Variants in PHKA2 observed in about 807,000 individuals in gnomAD.
PHKA2 encodes phosphorylase kinase regulatory subunit alpha 2.
In PHKA2, 31 loss-of-function variants were observed where a neutral mutation model predicts 102.0. The ratio of observed to expected loss-of-function variants is 0.30; its 90% CI spans 0.23 to 0.41. PHKA2 has a LOEUF of 0.41. Among genes scored for constraint, PHKA2 ranks in the 10% least tolerant of loss-of-function variants. The pLI, the probability that PHKA2 is intolerant of heterozygous loss-of-function variation, is 1.00. For missense variants in PHKA2, 858 were observed against 1,023.1 expected, an observed-to-expected ratio of 0.84 and a Z score of 2.20; for synonymous variants, 455 against 416.2, an observed-to-expected ratio of 1.09 and a Z score of -1.13.
chrX:18,907,138 G>A, intron 22 of PHKA2, 41 bp from the exon 23 acceptor site: 1 of 985,937 alleles, frequency 1.0e-6, no homozygotes, highest in Non-Finnish European at 1.4e-6. Context: ...GAGCGCGAGA[G>A]AGATACTGGC....
chrX:18,948,897 A>C, intron 4 of PHKA2, 71 bp from the exon 5 acceptor site: 10 of 700,672 alleles, frequency 1.4e-5, no homozygotes, highest in Non-Finnish European at 1.8e-5. Flanking sequence ...TACAAATATC[A>C]CACTAGGAAA....
intron 1 of PHKA2, among the ~76,000 whole-genome samples, chrX:18,978,820 T>C (rs1037255771): frequency 3.6e-5 from 4 of 111,910 alleles, no homozygotes; most frequent in Non-Finnish European, 7.5e-5. Context: ...TCATCCTCCT[T>C]CTTAATGGGA....
At chrX:18,957,543 C>A (rs1362113907) in intron 1 of PHKA2, among the ~76,000 whole-genome samples, 1 of 110,825 alleles carries the variant, frequency 9.0e-6, no homozygotes, top group Non-Finnish European at 1.9e-5. Flanking sequence ...TTGAAAAACA[C>A]TATTTAGCTA....
At position 18,920,254 on chromosome X, in the gene PHKA2, A is replaced by T. The variant is rs1418397517; in HGVS notation, c.1794-53T>A. 1.8e-5 allele frequency: 11 copies of T among 600,908 alleles called. No individual in the cohort carries two copies. The East Asian group carries it at 3.6e-4, about 19-fold the overall frequency. 49.5% of individuals were successfully genotyped at this position (600,908 alleles called of 1,213,427 possible). A position where few individuals can be genotyped will look rare whatever the true frequency, so the allele number is the denominator to read the frequency against. Reference sequence around the variant, plus strand: ...ACAGGTAGTGTGTGGATAACCTTCCACTATGAATCACTGAGAGACTTTTGC... The same window carrying T: ...ACAGGTAGTGTGTGGATAACCTTCCTCTATGAATCACTGAGAGACTTTTGC... On this transcript the variant is annotated intron_variant, in intron 17 of 32. Transcript: ENST00000379942.
chrX:18,916,323 G>A (rs2048019686), intron 19 of PHKA2, among the ~76,000 whole-genome samples: 2 of 111,734 alleles, frequency 1.8e-5, no homozygotes, highest in Non-Finnish European at 3.8e-5. Flanking sequence ...GCTGAGGCAG[G>A]AGAATCGCTT....
At position 18,970,388 on chromosome X, in the gene PHKA2, A is replaced by C. The variant is rs113596423; in HGVS notation, c.78+13467T>G. The stretch of plus-strand genomic sequence containing the variant: ...ATCTACTCTCTTAGCAATTTTCAAG[A>C]ATGCAATATATTGTTATTAACTACA... On this transcript the variant is annotated intron_variant, in intron 1 of 32. Transcript: ENST00000379942. Among the ~76,000 whole-genome samples, 667 of 112,439 alleles carry C rather than the reference A, an allele frequency of 5.9e-3. 6 individuals carry two copies. Among genetic ancestry groups the C allele is most frequent in the African/African-American group, 0.02 (629 of 30,986 alleles).
At chrX:18,931,566 G>A in intron 12 of PHKA2, 75 bp downstream of exon 12, 2 of 714,588 alleles carry the variant, frequency 2.8e-6, no homozygotes, top group Non-Finnish European at 2.3e-6. Context: ...CTGGCAGAGA[G>A]TCCCTATGCC....
At position 18,924,152 on chromosome X, in the gene PHKA2, T is replaced by A. The variant is rs758053765; in HGVS notation, c.1715-18A>T. ...ATCATTTGCTAAGGAAAAAAAGTGA[T>A]GAATTAGTTTAGTCTGGGCAGACTT... is the stretch of plus-strand genomic sequence containing the variant. On this transcript the variant is annotated intron_variant, in intron 16 of 32. Transcript: ENST00000379942. 1.7e-6 allele frequency: 2 copies of A among 1,146,250 alleles called. No homozygotes were observed. Among genetic ancestry groups the A allele is most frequent in the East Asian group, 6.0e-5 (2 of 33,600 alleles). 94.5% of individuals were successfully genotyped at this position (1,146,250 alleles called of 1,213,427 possible).
intron 19 of PHKA2, among the ~76,000 whole-genome samples, chrX:18,917,982 T>C (rs2147890706): frequency 9.1e-6 from 1 of 109,604 alleles, no homozygotes; most frequent in Admixed American, 9.8e-5. Flanking sequence ...GAAGAATACA[T>C]TGAGAAAGGG....
At chrX:18,941,409 A>G in intron 8 of PHKA2, 120 bp downstream of exon 8, 1 of 659,381 alleles carries the variant, frequency 1.5e-6, no homozygotes, top group South Asian at 2.2e-5. Context: ...TCAGCTTTGA[A>G]CGCTGTATGC....
chrX:18,901,316 T>C (rs1257549901), intron 27 of PHKA2, among the ~76,000 whole-genome samples, 169 bp downstream of exon 27: 1 of 110,946 alleles, frequency 9.0e-6, no homozygotes, highest in Admixed American at 9.6e-5. Context: ...TGACCGGCTC[T>C]GGAATATCTA....
chrX:18,899,072 C>T, intron 29 of PHKA2, 101 bp downstream of exon 29: 1 of 724,328 alleles, frequency 1.4e-6, no homozygotes. Context: ...GAAAACACTT[C>T]AGCCCTGCTC....
At chrX:18,905,136 G>A (rs904070348) in intron 26 of PHKA2, among the ~76,000 whole-genome samples, 2 of 111,700 alleles carry the variant, frequency 1.8e-5, no homozygotes, top group African/African-American at 6.5e-5. Context: ...GGTGTGAAAG[G>A]ACAGCCCTTT....
chrX:18,907,616 A>G (rs1042516707), intron 22 of PHKA2, among the ~76,000 whole-genome samples: 1 of 111,699 alleles, frequency 9.0e-6, no homozygotes, highest in Non-Finnish European at 1.9e-5. Context: ...TGTGAAAAAA[A>G]GAGAGCTCTA....
At chrX:18,939,756 G>A (rs1325092563) in intron 9 of PHKA2, among the ~76,000 whole-genome samples, 1 of 112,153 alleles carries the variant, frequency 8.9e-6, no homozygotes, top group Non-Finnish European at 1.9e-5. Flanking sequence ...GCCTCCCAAA[G>A]TGCTGGGATT....
chrX:18,910,777 G>A lies in PHKA2; in HGVS notation c.2226+95C>T, dbSNP rs2047908369. ...GGTCCCTGATATCGAGAAATATGCT[G>A]TTTCTTTTGAGTTTAGCCATTTGGA... On this transcript the variant is annotated intron_variant, in intron 20 of 32. Coordinates refer to ENST00000379942, the MANE Select transcript of PHKA2 (RefSeq NM_000292.3). 23 of 528,270 alleles carry A rather than the reference G, an allele frequency of 4.4e-5. No homozygotes were observed. The South Asian group carries it at 4.4e-4, about 10-fold the overall frequency. 43.5% of individuals were successfully genotyped at this position (528,270 alleles called of 1,213,427 possible).
intron 1 of PHKA2, among the ~76,000 whole-genome samples, chrX:18,972,817 C>T (rs1451286562): frequency 9.0e-6 from 1 of 111,542 alleles, no homozygotes; most frequent in Non-Finnish European, 1.9e-5. Flanking sequence ...CTCCATGACT[C>T]TTATTTCCTT....
At chrX:18,934,122 G>A (rs2048355316) in intron 11 of PHKA2, among the ~76,000 whole-genome samples, 1 of 111,997 alleles carries the variant, frequency 8.9e-6, no homozygotes, top group East Asian at 2.8e-4. Context: ...TGGGAAAGGA[G>A]CGACCTGAAG....
rs200281934 is a variant in PHKA2 at position 18,951,263 on chromosome X, C to T, written c.295G>A (p.Val99Met). ...LQCMMRQVAK[V>M]EKFKHTQSTK... ...CTCTGAGTGTGTTTGAACTTCTCCACTTTGGCCACCTGAGGGAGAAGGCAA... is the reference window on the plus strand; with the variant it reads ...CTCTGAGTGTGTTTGAACTTCTCCATTTTGGCCACCTGAGGGAGAAGGCAA... Residue 99 changes from valine (V) to methionine (M), a missense_variant, in exon 4 of 33, where the codon GTG becomes ATG. This residue lies in a region of PHKA2 where 187 missense variants were observed against 277.9 expected (regional missense o/e 0.67). Transcript: ENST00000379942. The T allele has an allele frequency of 1.8e-4, 223 of 1,209,708 alleles. 2 individuals are homozygous for T. The highest frequency in any genetic ancestry group is 4.8e-4 in the South Asian group (27 of 56,835).
Sources: allele counts gnomAD v4.1 joint callset (sites outside exome capture counted in the v4.1 genomes callset), GRCh38; gene constraint gnomAD v4.1.1; regional missense constraint gnomAD v4.1.1; transcripts MANE v1.5; gene names NCBI Gene and HGNC (gene_info 2026-07-23, HGNC 2026-07-21).